The following TRPM8 variants were observed in gnomAD, a reference collection of about 807,000 sequenced individuals.
The protein encoded by TRPM8 is TRPM8 cationic channel.
TRPM8 carries 110 observed loss-of-function variants against 133.7 expected under a neutral mutation model. The observed-to-expected ratio is 0.82, with a 90% CI of 0.70 to 0.96. TRPM8 has a LOEUF of 0.96. Ranked by LOEUF, TRPM8 falls within the 40% of genes least tolerant of loss-of-function variation. The pLI is 0.00. For synonymous variants in TRPM8, 535 were observed against 532.3 expected (o/e 1.01, Z -0.07); for missense variants, 1,291 against 1,379.5 (o/e 0.94, Z 1.02).
intron 6 of TRPM8, among the ~76,000 whole-genome samples, chr2:233,944,291 G>A (rs1171117174): frequency 6.6e-6 from 1 of 152,098 alleles, no homozygotes; most frequent in African/African-American, 2.4e-5. Flanking sequence ...AGGCTAAATG[G>A]GAAAGAATAC....
chr2:233,971,501 G>T (rs144246229), intron 17 of TRPM8, among the ~76,000 whole-genome samples: 76 of 152,306 alleles, frequency 5.0e-4, no homozygotes, highest in African/African-American at 1.7e-3. Context: ...TGCCTAGTAG[G>T]TCTGAGGTGC....
chr2:233,921,677 C>CTTTTTTTTT (rs11373529), intron 1 of TRPM8, among the ~76,000 whole-genome samples: 16 of 106,658 alleles, frequency 1.5e-4, no homozygotes, highest in East Asian at 2.6e-4. Flanking sequence ...CTTTTCTTTT[C>CTTTTTTTTT]TTTTTTTTTT....
intron 2 of TRPM8, among the ~76,000 whole-genome samples, chr2:233,930,182 T>C (rs1425247782): frequency 3.3e-5 from 5 of 152,242 alleles, no homozygotes; most frequent in Non-Finnish European, 7.3e-5. Flanking sequence ...GCTTTTGGTT[T>C]ATAAAGGCTT....
intron 8 of TRPM8, among the ~76,000 whole-genome samples, chr2:233,948,674 G>C (rs1421664035): frequency 6.6e-6 from 1 of 152,292 alleles, no homozygotes; most frequent in Admixed American, 6.5e-5. Flanking sequence ...TTCCACTGCC[G>C]TCTGCTCAGC....
chr2:233,922,846 T>C (rs906054698), intron 1 of TRPM8, among the ~76,000 whole-genome samples: 2 of 152,182 alleles, frequency 1.3e-5, no homozygotes, highest in African/African-American at 4.8e-5. Flanking sequence ...TTTTCTGCTA[T>C]ATTGCTTGTA....
intron 9 of TRPM8, among the ~76,000 whole-genome samples, chr2:233,953,280 A>C (rs1691213470): frequency 6.6e-6 from 1 of 151,988 alleles, no homozygotes. Flanking sequence ...TGCCAGGGAA[A>C]CCCATCATTG....
intron 17 of TRPM8, among the ~76,000 whole-genome samples, chr2:233,979,446 G>A (rs933111508): frequency 6.6e-6 from 1 of 152,194 alleles, no homozygotes; most frequent in African/African-American, 2.4e-5. Flanking sequence ...CAAATGAAAG[G>A]ATTAGCTGGT....
chr2:233,959,174 C>T (rs192125678), intron 11 of TRPM8, among the ~76,000 whole-genome samples: 2,299 of 151,628 alleles, frequency 0.015, 47 homozygotes, highest in African/African-American at 0.05. Context: ...TACAGGCGTG[C>T]GCCACCACGC....
chr2:233,999,794 C>T (rs1692505247), intron 22 of TRPM8, among the ~76,000 whole-genome samples: 1 of 152,180 alleles, frequency 6.6e-6, no homozygotes. Flanking sequence ...CAATTTAGAA[C>T]ACAATTTTCT....
rs762593290 is a variant in TRPM8 at position 233,980,173 on chromosome 2, C to T, written c.2356-15C>T. The T allele has an allele frequency of 1.3e-6, 2 of 1,563,020 alleles. No homozygotes were observed. Among genetic ancestry groups the T allele is most frequent in the Non-Finnish European group, 1.8e-6 (2 of 1,141,820 alleles). On this transcript the variant is annotated splice_polypyrimidine_tract_variant and intron_variant, in intron 17 of 25. Coordinates refer to ENST00000324695, the MANE Select transcript of TRPM8 (RefSeq NM_024080.5). The stretch of plus-strand genomic sequence containing the variant: ...CAAGCTGCTGATGTCCCTCTCTGTC[C>T]CTTTCTGTACGCAGTGGTACGTAAA...
chr2:233,987,606 C>G (rs1692176265), intron 21 of TRPM8, among the ~76,000 whole-genome samples: 1 of 152,186 alleles, frequency 6.6e-6, no homozygotes, highest in Admixed American at 6.5e-5. Context: ...AGATGTCCTT[C>G]TCCAGTCCAC....
At chr2:234,006,709 G>C (rs762740148) in intron 22 of TRPM8, 144 bp from the exon 23 acceptor site, 11 of 577,470 alleles carry the variant, frequency 1.9e-5, no homozygotes, top group Non-Finnish European at 3.4e-5. Context: ...CTGTCACTAG[G>C]AAGTAACATC....
chr2:233,978,081 C>CTTT (rs540222140), intron 17 of TRPM8, among the ~76,000 whole-genome samples: 1 of 126,954 alleles, frequency 7.9e-6, no homozygotes, highest in African/African-American at 2.7e-5. Flanking sequence ...TTACAATTTG[C>CTTT]TTTTTTTTTT....
chr2:233,986,910 A>G (rs1242420095), intron 21 of TRPM8, among the ~76,000 whole-genome samples: 1 of 152,216 alleles, frequency 6.6e-6, no homozygotes, highest in Non-Finnish European at 1.5e-5. Context: ...GGTGGAAACA[A>G]TGAAACGCTG....
intron 20 of TRPM8, among the ~76,000 whole-genome samples, chr2:233,984,675 C>G (rs897619316): frequency 1.3e-5 from 2 of 152,202 alleles, no homozygotes; most frequent in Admixed American, 1.3e-4. Context: ...CTTCCTTCCC[C>G]TCGAGCCCCT....
rs1553656129 is a variant in TRPM8 at position 233,942,071 on chromosome 2, C to CTGTTTTTTTTTTTTTTTTTTTTTTTT, written c.527-504_527-503insGTTTTTTTTTTTTTTTTTTTTTTTTT. 1.8e-5 allele frequency among the ~76,000 whole-genome samples: 2 copies of CTGTTTTTTTTTTTTTTTTTTTTTTTT among 111,704 alleles called. 1 individual carries two copies. Among genetic ancestry groups the CTGTTTTTTTTTTTTTTTTTTTTTTTT allele is most frequent in the African/African-American group, 7.8e-5 (2 of 25,618 alleles). 73.3% of individuals were successfully genotyped at this position (111,704 alleles called of 152,430 possible). A position where few individuals can be genotyped will look rare whatever the true frequency, so the allele number is the denominator to read the frequency against. On this transcript the variant is annotated intron_variant, in intron 5 of 25. Transcript: ENST00000324695. Reference sequence around the variant, plus strand: ...GCAGATCTGGAATAGGGTCAAGAATCTTTTTTTTTTTTTTTTTTTTCTTTT... The same window carrying CTGTTTTTTTTTTTTTTTTTTTTTTTT: ...GCAGATCTGGAATAGGGTCAAGAATCTGTTTTTTTTTTTTTTTTTTTTTTTTTTTTTTTTTTTTTTTTTTTTCTTTT...
intron 22 of TRPM8, among the ~76,000 whole-genome samples, chr2:233,999,951 C>A (rs974791553): frequency 3.3e-5 from 5 of 152,162 alleles, no homozygotes; most frequent in Admixed American, 3.3e-4. Context: ...CTGCACTTAG[C>A]TGATTTTCTG....
chr2:233,950,589 T>C (rs1691151087), intron 9 of TRPM8, among the ~76,000 whole-genome samples: 1 of 152,186 alleles, frequency 6.6e-6, no homozygotes, highest in Admixed American at 6.5e-5. Flanking sequence ...AAGCCCACCC[T>C]GACACAGGCA....
Position 233,969,684 on chromosome 2 carries a change from T to C in TRPM8, c.2026-11T>C, listed in dbSNP as rs1691659967. ...ATAAGGACCTTGTTCTCTGTCTTTGTTTCCCTGTAGAATTTTCTTTCTAAG... is the reference window on the plus strand; with the variant it reads ...ATAAGGACCTTGTTCTCTGTCTTTGCTTCCCTGTAGAATTTTCTTTCTAAG... On this transcript the variant is annotated splice_polypyrimidine_tract_variant and intron_variant, in intron 15 of 25. Transcript: ENST00000324695. 6.5e-7 allele frequency: 1 copy of C among 1,548,808 alleles called. No individual in the cohort carries two copies. Among genetic ancestry groups the C allele is most frequent in the Non-Finnish European group, 8.9e-7 (1 of 1,120,610 alleles).
Sources: allele counts gnomAD v4.1 joint callset (sites outside exome capture counted in the v4.1 genomes callset), GRCh38; gene constraint gnomAD v4.1.1; transcripts MANE v1.5; gene names NCBI Gene and HGNC (gene_info 2026-07-23, HGNC 2026-07-21).